ANKS1B: variants seen among roughly 807,000 people sequenced by gnomAD.
ANKS1B encodes the protein ankyrin repeat and sterile alpha motif domain-containing protein 1B.
ANKS1B carries 36 observed loss-of-function variants against 148.3 expected under a neutral mutation model. That is an observed-to-expected ratio of 0.24 (90% confidence interval 0.19 to 0.32). The LOEUF (loss-of-function observed/expected upper bound fraction) is 0.32, where lower values mean the gene tolerates loss of function less well. Ranked by LOEUF, ANKS1B falls within the 10% of genes least tolerant of loss-of-function variation. The pLI is 1.00. For missense variants in ANKS1B, 1,157 were observed against 1,542.6 expected, an observed-to-expected ratio of 0.75 and a Z score of 4.19; for synonymous variants, 542 against 560.8, an observed-to-expected ratio of 0.97 and a Z score of 0.47.
intron 17 of ANKS1B, among the ~76,000 whole-genome samples, chr12:98,996,317 A>C (rs2099929540): frequency 6.6e-6 from 1 of 152,196 alleles, no homozygotes; most frequent in Non-Finnish European, 1.5e-5. Flanking sequence ...GTCTCTGAGC[A>C]TGGGAAGATG....
At chr12:99,461,065 T>TATATACACAC in intron 10 of ANKS1B, among the ~76,000 whole-genome samples, 1 of 141,146 alleles carries the variant, frequency 7.1e-6, no homozygotes, top group African/African-American at 3.2e-5. Flanking sequence ...TATATATATA[T>TATATACACAC]ACACATACAC....
At chr12:99,861,111 T>G (rs1439413714) in intron 1 of ANKS1B, among the ~76,000 whole-genome samples, 1 of 152,176 alleles carries the variant, frequency 6.6e-6, no homozygotes, top group African/African-American at 2.4e-5. Context: ...CTAAAATAAA[T>G]CAGGCTGTTC....
At chr12:99,216,620 G>A (rs958913804) in intron 14 of ANKS1B, among the ~76,000 whole-genome samples, 3 of 152,142 alleles carry the variant, frequency 2.0e-5, no homozygotes, top group Non-Finnish European at 4.4e-5. Flanking sequence ...AACAGTACAG[G>A]AAGTTTGATG....
chr12:99,281,161 G>A (rs144639404), intron 12 of ANKS1B, among the ~76,000 whole-genome samples: 2 of 152,102 alleles, frequency 1.3e-5, no homozygotes, highest in Non-Finnish European at 2.9e-5. Flanking sequence ...GAGCTGCCTA[G>A]TCTACCTTCA....
chr12:99,399,656 G>C lies in ANKS1B; in HGVS notation c.1731C>G (p.Val577=). The C allele has an allele frequency of 1.2e-6, 2 of 1,613,262 alleles. No homozygotes were observed. The highest frequency in any genetic ancestry group is 1.7e-6 in the Non-Finnish European group (2 of 1,179,390). The part of the protein sequence containing the change: ...PPTSSVGTTE[V]KNEGTNHTDD... ...CTGTATGGTTAGTTCCCTCATTCTT[G>C]ACTTCTGTGGTTCCCACAGAAGAGG... is the stretch of plus-strand genomic sequence containing the variant. The change falls in exon 12 of 27, where the codon GTC becomes GTG. Residue 577 remains valine, a synonymous_variant. Coordinates refer to ENST00000683438, the MANE Select transcript of ANKS1B (RefSeq NM_001352186.2).
intron 14 of ANKS1B, among the ~76,000 whole-genome samples, chr12:99,239,687 A>G (rs1260826934): frequency 6.6e-6 from 1 of 152,238 alleles, no homozygotes; most frequent in African/African-American, 2.4e-5. Flanking sequence ...GTTACCCACA[A>G]AGGGAAGCCC....
At position 99,751,841 on chromosome 12, in the gene ANKS1B, A is replaced by C. The variant is rs536555585; in HGVS notation, c.1128+21081T>G. 5.9e-5 allele frequency among the ~76,000 whole-genome samples: 9 copies of C among 152,214 alleles called. 2 individuals carry two copies. Among genetic ancestry groups the C allele is most frequent in the South Asian group, 2.1e-4 (1 of 4,826 alleles). ...TATAAAAGGCACTGGGAGAAAGCCT[A>C]ATACAAATTGGAATGAAGGTTCAAA... On this transcript the variant is annotated intron_variant, in intron 8 of 26. Coordinates refer to ENST00000683438, the MANE Select transcript of ANKS1B (RefSeq NM_001352186.2).
chr12:98,989,585 G>A (rs771461233), intron 17 of ANKS1B, among the ~76,000 whole-genome samples: 2 of 152,096 alleles, frequency 1.3e-5, no homozygotes, highest in African/African-American at 2.4e-5. Flanking sequence ...GCTCATGATT[G>A]CTTTGTCTAT....
intron 11 of ANKS1B, among the ~76,000 whole-genome samples, chr12:99,428,084 G>A (rs2095296009): frequency 6.6e-6 from 1 of 152,186 alleles, no homozygotes; most frequent in Non-Finnish European, 1.5e-5. Context: ...ACATAATCAT[G>A]TTGACAATGT....
chr12:98,769,551 T>A (rs910547525), intron 25 of ANKS1B, among the ~76,000 whole-genome samples: 1 of 152,186 alleles, frequency 6.6e-6, no homozygotes, highest in Non-Finnish European at 1.5e-5. Context: ...CTCTACATGT[T>A]TTTCTAAGTG....
chr12:99,723,036 C>G (rs924831734), intron 8 of ANKS1B, among the ~76,000 whole-genome samples: 1 of 152,220 alleles, frequency 6.6e-6, no homozygotes, highest in African/African-American at 2.4e-5. Flanking sequence ...GAAGATCTCA[C>G]TCATGAAATC....
intron 24 of ANKS1B, among the ~76,000 whole-genome samples, chr12:98,775,384 T>C: frequency 6.6e-6 from 1 of 152,138 alleles, no homozygotes; most frequent in South Asian, 2.1e-4. Flanking sequence ...AGTATATCTT[T>C]GGTACTCTCT....
At chr12:99,145,440 G>A (rs980785859) in intron 15 of ANKS1B, among the ~76,000 whole-genome samples, 3 of 152,092 alleles carry the variant, frequency 2.0e-5, no homozygotes, top group Admixed American at 1.3e-4. Flanking sequence ...GCTCCCTGGA[G>A]CAAGGGGAGC....
chr12:98,778,890 A>G (rs1286757091), intron 24 of ANKS1B, among the ~76,000 whole-genome samples: 1 of 152,050 alleles, frequency 6.6e-6, no homozygotes, highest in East Asian at 1.9e-4. Context: ...CACTCTCCCT[A>G]CCCACTGTCA....
chr12:99,159,817 A>G (rs2076456490), intron 14 of ANKS1B, among the ~76,000 whole-genome samples: 1 of 152,220 alleles, frequency 6.6e-6, no homozygotes, highest in South Asian at 2.1e-4. Context: ...TGCTTTCCAC[A>G]GAGTCTGAAC....
rs116749522 is a variant in ANKS1B at position 99,285,711 on chromosome 12, G to A, written c.1757-38847C>T. Among the ~76,000 whole-genome samples the A allele has an allele frequency of 7.1e-3, 1,081 of 152,220 alleles. 18 individuals carry two copies. The highest frequency in any genetic ancestry group is 0.024 in the African/African-American group (1,012 of 41,528). ...TGGCGCCACCCCTCCCTCATCCCCT[G>A]GCAGTGACTGTGTGGCATGGAGAGA... On this transcript the variant is annotated intron_variant, in intron 12 of 26. Transcript: ENST00000683438.
At chr12:99,870,059 T>C (rs370214727) in intron 1 of ANKS1B, among the ~76,000 whole-genome samples, 367 of 152,280 alleles carry the variant, frequency 2.4e-3, no homozygotes, top group South Asian at 6.4e-3. Context: ...GTAGTGAGCA[T>C]AGTATTCGAT....
chr12:98,991,836 A>C (rs959298077), intron 17 of ANKS1B, among the ~76,000 whole-genome samples: 1 of 152,258 alleles, frequency 6.6e-6, no homozygotes, highest in Non-Finnish European at 1.5e-5. Flanking sequence ...TACATGTTGT[A>C]TATTCACATA....
chr12:99,417,368 A>G (rs1417576150), intron 11 of ANKS1B, among the ~76,000 whole-genome samples: 2 of 152,160 alleles, frequency 1.3e-5, no homozygotes, highest in Non-Finnish European at 2.9e-5. Context: ...GTGTATGGGT[A>G]TATTTCTGGG....
Sources: allele counts gnomAD v4.1 joint callset (sites outside exome capture counted in the v4.1 genomes callset), GRCh38; gene constraint gnomAD v4.1.1; transcripts MANE v1.5; gene names NCBI Gene and HGNC (gene_info 2026-07-23, HGNC 2026-07-21).